OPN1SW: variants seen among roughly 807,000 people sequenced by gnomAD.
OPN1SW encodes short-wave-sensitive opsin 1.
A neutral mutation model predicts 31.9 loss-of-function variants in OPN1SW; 25 were observed. The observed-to-expected ratio is 0.78, with a 90% confidence interval of 0.57 to 1.09. The LOEUF is 1.09. Ranked by LOEUF, OPN1SW falls within the 50% of genes least tolerant of loss-of-function variation. The pLI, the probability that OPN1SW is intolerant of heterozygous loss-of-function variation, is 0.00. For missense variants in OPN1SW, 424 were observed against 448.0 expected (o/e 0.95, Z 0.48); for synonymous variants, 190 against 171.9 (o/e 1.11, Z -0.82).
Position 128,775,623 on chromosome 7 carries a change from C to T in OPN1SW, c.159G>A (p.Leu53=). Residue 53 remains leucine (L), a synonymous_variant, in exon 1 of 5, where the codon CTG becomes CTA. Transcript: ENST00000249389. ...ACTTTTTGTAGCGCAGTGTGGCCAC[C>T]AGCACCATGGCATTGAGTGGGAACC... ...LIGFPLNAMV[L]VATLRYKKLR... 6.2e-7 allele frequency: 1 copy of T among 1,614,138 alleles called. No homozygotes were observed. The highest frequency in any genetic ancestry group is 8.5e-7 in the Non-Finnish European group (1 of 1,180,014).
chr7:128,774,306 G>T (rs934766509), intron 3 of OPN1SW, among the ~76,000 whole-genome samples, 192 bp downstream of exon 3: 8 of 152,096 alleles, frequency 5.3e-5, no homozygotes, highest in African/African-American at 1.9e-4. Context: ...CACTCTGATT[G>T]CCTCTTTTCT....
At position 128,772,652 on chromosome 7, in the gene OPN1SW, G is replaced by A. The variant is rs778128511; in HGVS notation, c.926C>T (p.Ala309Val). The change falls in exon 5 of 5, where the codon GCT (alanine) becomes GTT (valine). Residue 309 changes from alanine (A) to valine (V), a missense_variant. Transcript: ENST00000249389. ...IYCFMNKQFQ[A>V]CIMKMVCGKA... ...CCCACACACCATCTTCATGATGCAA[G>A]CTTGGAACTGGAGAGAAAGGTACAA... 6.8e-6 allele frequency: 11 copies of A among 1,614,094 alleles called. No individual in the cohort carries two copies. Among genetic ancestry groups the A allele is most frequent in the Non-Finnish European group, 9.3e-6 (11 of 1,179,976 alleles).
Position 128,774,654 on chromosome 7 carries a change from A to G in OPN1SW, c.522T>C (p.Pro174=), listed in dbSNP as rs766223162. The G allele has an allele frequency of 1.9e-6, 3 of 1,614,146 alleles. No individual in the cohort carries two copies. Among genetic ancestry groups the G allele is most frequent in the South Asian group, 2.2e-5 (2 of 91,092 alleles). Residue 174 remains proline, a synonymous_variant, in exon 3 of 5, where the codon CCT becomes CCC. Transcript: ENST00000249389. ...GGCCACAGGAACACTGCAGGCCCTC[A>G]GGGATGAACCTGCAAAGGACCAAAC... ...PPFFGWSRFI[P]EGLQCSCGPD... is the part of the protein sequence containing the mutation.
At position 128,774,527 on chromosome 7, in the gene OPN1SW, A is replaced by G. The variant is rs1362069025; in HGVS notation, c.649T>C (p.Tyr217His). ...TTCAGGGCCCTCAGCAGCTGAGTGT[A>G]GGAGAAGCAGATGAGGGAGAGAGGC... is the stretch of plus-strand genomic sequence containing the variant. ...IVPLSLICFSYTQLLRALKAV... is the reference protein window; with the variant it reads ...IVPLSLICFSHTQLLRALKAV... Residue 217 changes from tyrosine (Y) to histidine (H), a missense_variant, in exon 3 of 5, where the codon TAC becomes CAC. Tyr to His is a moderately conservative substitution (Grantham distance 83, BLOSUM62 2). Transcript: ENST00000249389. 2 of 1,614,038 alleles carry G rather than the reference A, an allele frequency of 1.2e-6. No homozygotes were observed. Among genetic ancestry groups the G allele is most frequent in the Admixed American group, 3.3e-5 (2 of 60,016 alleles).
chr7:128,774,351 A>G (rs1007936675), intron 3 of OPN1SW, 147 bp downstream of exon 3: 2 of 1,106,862 alleles, frequency 1.8e-6, no homozygotes, highest in African/African-American at 3.1e-5. Context: ...TTGGATCTCC[A>G]TCATTCTCCC....
Position 128,775,648 on chromosome 7 carries a change from C to A in OPN1SW, c.134G>T (p.Gly45Val). The A allele has an allele frequency of 6.2e-7, 1 of 1,614,068 alleles. No individual in the cohort carries two copies. The highest frequency in any genetic ancestry group is 2.2e-5 in the East Asian group (1 of 44,876). The change falls in exon 1 of 5, where the codon GGG (glycine) becomes GTG (valine). Residue 45 changes from glycine (G) to valine (V), a missense_variant. Coordinates refer to ENST00000249389, the MANE Select transcript of OPN1SW (RefSeq NM_001385125.1). ...AAFMGTVFLI[G>V]FPLNAMVLVA... ...CAGCACCATGGCATTGAGTGGGAACCCTATAAGGAAGACAGTGCCCATGAA... is the reference window on the plus strand; with the variant it reads ...CAGCACCATGGCATTGAGTGGGAACACTATAAGGAAGACAGTGCCCATGAA...
At chr7:128,773,574 C>T (rs1175027393) in intron 4 of OPN1SW, 75 bp downstream of exon 4, 1 of 1,599,170 alleles carries the variant, frequency 6.3e-7, no homozygotes, top group Non-Finnish European at 8.6e-7. Context: ...GTCCAGGGTG[C>T]TCTGAGTTAA....
intron 1 of OPN1SW, 119 bp downstream of exon 1, chr7:128,775,320 T>C: frequency 7.7e-7 from 1 of 1,306,300 alleles, no homozygotes; most frequent in Non-Finnish European, 1.1e-6. Context: ...TCTGGGTTGC[T>C]TTGTACCCCA....
intron 1 of OPN1SW, 88 bp from the exon 2 acceptor site, chr7:128,775,242 C>G (rs1036466257): frequency 2.6e-5 from 37 of 1,433,208 alleles, no homozygotes; most frequent in Non-Finnish European, 3.6e-5. Context: ...GGAGCAAGCA[C>G]AGAGAGACAG....
At position 128,775,720 on chromosome 7, in the gene OPN1SW, G is replaced by A; in HGVS notation, c.62C>T (p.Pro21Leu). ...CCAGACAGGGGCAATGTGGTACTGA[G>A]GCCCATCCCACGGCCCCACTGAAGA... ...NISSVGPWDG[P>L]QYHIAPVWAF... Residue 21 changes from proline to leucine, a missense_variant, in exon 1 of 5, where the codon CCT becomes CTT. Pro to Leu is a moderately conservative substitution (Grantham distance 98). Transcript: ENST00000249389. 6.2e-7 allele frequency: 1 copy of A among 1,614,158 alleles called. No homozygotes were observed. Among genetic ancestry groups the A allele is most frequent in the South Asian group, 1.1e-5 (1 of 91,082 alleles).
intron 4 of OPN1SW, among the ~76,000 whole-genome samples, 171 bp downstream of exon 4, chr7:128,773,478 G>A (rs958845982): frequency 2.0e-5 from 3 of 152,010 alleles, no homozygotes; most frequent in African/African-American, 7.3e-5. Context: ...CTTGATAACC[G>A]TGCCTTCCTC....
Position 128,775,291 on chromosome 7 carries a change from A to G in OPN1SW, c.344-137T>C, listed in dbSNP as rs1181921473. ...TTTGGAGTGAAGACTCAAACATCCTATTTTAGCCAAACTTCTAGTCTGGGT... is the reference window on the plus strand; with the variant it reads ...TTTGGAGTGAAGACTCAAACATCCTGTTTTAGCCAAACTTCTAGTCTGGGT... On this transcript the variant is annotated intron_variant, in intron 1 of 4. Coordinates refer to ENST00000249389, the MANE Select transcript of OPN1SW (RefSeq NM_001385125.1). 3.0e-5 allele frequency: 39 copies of G among 1,284,044 alleles called. No homozygotes were observed. In the East Asian group the frequency reaches 9.0e-4, roughly 30 times the overall value. 79.5% of individuals were successfully genotyped at this position (1,284,044 alleles called of 1,614,324 possible).
rs143817931 is a variant in OPN1SW at position 128,775,017 on chromosome 7, C to T, written c.481G>A (p.Val161Ile). 3,081 of 1,614,184 alleles carry T rather than the reference C, an allele frequency of 1.9e-3. 4 individuals are homozygous for T. The highest frequency in any genetic ancestry group is 7.1e-3 in the African/African-American group (533 of 75,068). ...CAGCCAAAGAAGGGTGGGATGGAGA[C>T]GCCAATACCAATGGTCCAGGTAGCC... is the stretch of plus-strand genomic sequence containing the variant. The part of the protein sequence containing the change: ...VLATWTIGIG[V>I]SIPPFFGWSR... The change falls in exon 2 of 5, where the codon GTC (valine) becomes ATC (isoleucine). Residue 161 changes from valine (V) to isoleucine (I), a missense_variant. By Grantham distance (29) the Val-to-Ile change is conservative. Coordinates refer to ENST00000249389, the MANE Select transcript of OPN1SW (RefSeq NM_001385125.1).
In OPN1SW at chr7:128,773,790, G is replaced by A. The variant is rs372964467; in HGVS notation, c.777C>T (p.Tyr259=). Residue 259 remains tyrosine (Y), a synonymous_variant, in exon 4 of 5, where the codon TAC becomes TAT. Transcript: ENST00000249389. ...VVMVGSFCVC[Y]VPYAAFAMYM... ...ACATGGCGAAGGCCGCGTAGGGCAC[G>A]TAGCAGACACAGAAGGATCCTACCA... 2.7e-5 allele frequency: 44 copies of A among 1,613,990 alleles called. No individual in the cohort carries two copies. Among genetic ancestry groups the A allele is most frequent in the African/African-American group, 2.3e-4 (17 of 74,896 alleles).
chr7:128,773,685 G>C lies in OPN1SW; in HGVS notation c.882C>G (p.Ile294Met). The change falls in exon 4 of 5, where the codon ATC (isoleucine) becomes ATG (methionine). Residue 294 changes from isoleucine (I) to methionine (M), a missense_variant. Physicochemically the swap from Ile to Met is conservative, Grantham distance 10 (BLOSUM62 1). Coordinates refer to ENST00000249389, the MANE Select transcript of OPN1SW (RefSeq NM_001385125.1). Reference sequence around the variant, plus strand: ...TGAAGCAGTAGATGATGGGATTGTAGATGCAAGCACTCTTGGAGAAGAATG... The same window carrying C: ...TGAAGCAGTAGATGATGGGATTGTACATGCAAGCACTCTTGGAGAAGAATG... ...IPSFFSKSAC[I>M]YNPIIYCFMN... 1.2e-6 allele frequency: 2 copies of C among 1,614,220 alleles called. No individual in the cohort carries two copies. The highest frequency in any genetic ancestry group is 1.1e-5 in the South Asian group (1 of 91,088).
chr7:128,774,711 G>A (rs1400822263), intron 2 of OPN1SW, 48 bp from the exon 3 acceptor site: 1 of 1,611,734 alleles, frequency 6.2e-7, no homozygotes, highest in Non-Finnish European at 8.5e-7. Context: ...CAAGAGTGCA[G>A]TGGGAGCTGA....
chr7:128,773,658 C>A lies in OPN1SW; in HGVS notation c.909G>T (p.Met303Ile), dbSNP rs1801683270. 6.2e-7 allele frequency: 1 copy of A among 1,614,054 alleles called. No homozygotes were observed. Among genetic ancestry groups the A allele is most frequent in the Admixed American group, 1.7e-5 (1 of 60,010 alleles). Residue 303 changes from methionine (M) to isoleucine (I), a missense_variant, in exon 4 of 5, where the codon ATG becomes ATT. Physicochemically the swap from Met to Ile is conservative, Grantham distance 10. Coordinates refer to ENST00000249389, the MANE Select transcript of OPN1SW (RefSeq NM_001385125.1). ...CIYNPIIYCF[M>I]NKQFQACIMK... Reference sequence around the variant, plus strand: ...GAATAAAGAGCTTTACCTGCTTATTCATGAAGCAGTAGATGATGGGATTGT... The same window carrying A: ...GAATAAAGAGCTTTACCTGCTTATTAATGAAGCAGTAGATGATGGGATTGT...
chr7:128,775,136 GAC>G lies in OPN1SW; in HGVS notation c.360_361del (p.Trp120CysfsTer8). Reference sequence around the variant, plus strand: ...GCGCTCAAAGGCCAGGAAGGCCAGTGACCATCCTGTAACCAGACCTGTGGTGA... The same window carrying G: ...GCGCTCAAAGGCCAGGAAGGCCAGTGCATCCTGTAACCAGACCTGTGGTGA... On this transcript the variant is annotated frameshift_variant, in exon 2 of 5. Transcript: ENST00000249389. LOFTEE classifies it high-confidence loss of function. The G allele has an allele frequency of 6.2e-7, 1 of 1,614,138 alleles. No homozygotes were observed. The highest frequency in any genetic ancestry group is 8.5e-7 in the Non-Finnish European group (1 of 1,180,040).
chr7:128,774,390 T>TA, intron 3 of OPN1SW, 108 bp downstream of exon 3: 1 of 1,431,682 alleles, frequency 7.0e-7, no homozygotes, highest in South Asian at 1.2e-5. Flanking sequence ...TGCTTTTAGA[T>TA]ACCCTCTCTG....
Sources: allele counts gnomAD v4.1 joint callset (sites outside exome capture counted in the v4.1 genomes callset), GRCh38; gene constraint gnomAD v4.1.1; transcripts MANE v1.5; gene names NCBI Gene and HGNC (gene_info 2026-07-23, HGNC 2026-07-21).